Variants in MBNL2 observed in about 807,000 individuals in gnomAD.
The protein encoded by MBNL2 is muscleblind like splicing regulator 2.
In MBNL2, 17 loss-of-function variants were observed where a neutral mutation model predicts 41.9. The ratio of observed to expected loss-of-function variants is 0.41; its 90% confidence interval spans 0.28 to 0.61. The LOEUF is 0.61. Ranked by LOEUF, MBNL2 falls within the 20% of genes least tolerant of loss-of-function variation. The probability of loss-of-function intolerance (pLI) is 0.35; values close to 1 mark genes in which losing one functional copy is unlikely to be tolerated. For synonymous variants in MBNL2, 195 were observed against 182.9 expected (o/e 1.07, Z -0.53); for missense variants, 336 against 505.6 (o/e 0.66, Z 3.22).
intron 5 of MBNL2, among the ~76,000 whole-genome samples, chr13:97,351,222 T>TA (rs1309172690): frequency 6.6e-6 from 1 of 152,228 alleles, no homozygotes; most frequent in African/African-American, 2.4e-5. Flanking sequence ...ACTGTGGGCT[T>TA]AAAACATTCA....
chr13:97,284,412 T>C (rs2152952755), intron 2 of MBNL2, among the ~76,000 whole-genome samples: 1 of 152,310 alleles, frequency 6.6e-6, no homozygotes, highest in Non-Finnish European at 1.5e-5. Flanking sequence ...GCCATCTTGC[T>C]GTGTGTCTCC....
At chr13:97,200,726 A>G in the MBNL2 span, among the ~76,000 whole-genome samples, 9 of 152,196 alleles carry the variant, frequency 5.9e-5, no homozygotes, top group Non-Finnish European at 1.0e-4. Flanking sequence ...CACCACTGAA[A>G]GACGAATGAA....
chr13:97,298,765 T>C (rs1461357498), intron 2 of MBNL2, among the ~76,000 whole-genome samples: 1 of 152,138 alleles, frequency 6.6e-6, no homozygotes, highest in Non-Finnish European at 1.5e-5. Flanking sequence ...CCTATTAAAG[T>C]AGGGAATGAT....
At chr13:97,189,655 T>G in the MBNL2 span, among the ~76,000 whole-genome samples, 4 of 152,224 alleles carry the variant, frequency 2.6e-5, no homozygotes, top group Admixed American at 2.6e-4. Flanking sequence ...TTTGCATACA[T>G]ATATGTGTGT....
chr13:97,185,060 T>A, the MBNL2 span, among the ~76,000 whole-genome samples: 10,938 of 152,298 alleles, frequency 0.072, 645 homozygotes, highest in African/African-American at 0.17. Context: ...TTATTTCTTG[T>A]GTTTCTGCAT....
At chr13:97,195,113 G>A in the MBNL2 span, among the ~76,000 whole-genome samples, 1 of 151,932 alleles carries the variant, frequency 6.6e-6, no homozygotes, top group African/African-American at 2.4e-5. Flanking sequence ...CCTCTCTTGG[G>A]GTCTGGATTG....
chr13:97,354,135 A>G (rs542815586), intron 5 of MBNL2, among the ~76,000 whole-genome samples: 6 of 136,798 alleles, frequency 4.4e-5, no homozygotes, highest in Non-Finnish European at 7.6e-5. Flanking sequence ...GCAAAGCCTC[A>G]GAATGTTGGT....
chr13:97,227,065 CAA>C (rs5806007), intron 1 of MBNL2, among the ~76,000 whole-genome samples: 6,646 of 143,850 alleles, frequency 0.046, 228 homozygotes, highest in African/African-American at 0.096. Flanking sequence ...AAAAAAAAAT[CAA>C]AAAAAAAAAA....
chr13:97,196,579 A>C, the MBNL2 span, among the ~76,000 whole-genome samples: 2 of 152,148 alleles, frequency 1.3e-5, no homozygotes, highest in African/African-American at 4.8e-5. Context: ...GGAGCCATGG[A>C]GGAGGGAGCC....
At chr13:97,171,244 A>G in the MBNL2 span, among the ~76,000 whole-genome samples, 1 of 152,170 alleles carries the variant, frequency 6.6e-6, no homozygotes, top group Non-Finnish European at 1.5e-5. Flanking sequence ...ATCTCATGTA[A>G]TTCTCATATA....
At chr13:97,353,540 CT>C (rs1190590949) in intron 5 of MBNL2, among the ~76,000 whole-genome samples, 7 of 152,120 alleles carry the variant, frequency 4.6e-5, no homozygotes, top group African/African-American at 1.7e-4. Flanking sequence ...TGGAGATTTC[CT>C]GCTTATTTTG....
intron 1 of MBNL2, among the ~76,000 whole-genome samples, chr13:97,253,363 C>T (rs2046931601): frequency 6.6e-6 from 1 of 152,176 alleles, no homozygotes; most frequent in African/African-American, 2.4e-5. Context: ...ATTAGGGATG[C>T]ATAGTTCTGC....
the MBNL2 span, among the ~76,000 whole-genome samples, chr13:97,163,586 A>G: frequency 3.3e-5 from 5 of 152,152 alleles, no homozygotes; most frequent in African/African-American, 4.8e-5. Flanking sequence ...ATGGTAGGAG[A>G]AGAATTGCAG....
chr13:97,276,253 C>G lies in MBNL2; in HGVS notation c.18C>G (p.Ala6=), dbSNP rs774132167. The change falls in exon 2 of 9, where the codon GCC becomes GCG. Residue 6 remains alanine, a synonymous_variant. Transcript: ENST00000679496. MALNV[A]PVRDTKWLTL... ...TTATCACCATGGCTTTGAACGTTGC[C>G]CCAGTCAGAGATACAAAATGGCTGA... is the stretch of plus-strand genomic sequence containing the variant. 1 of 1,613,438 alleles carries G rather than the reference C, an allele frequency of 6.2e-7. No homozygotes were observed. Among genetic ancestry groups the G allele is most frequent in the Non-Finnish European group, 8.5e-7 (1 of 1,179,656 alleles).
intron 1 of MBNL2, among the ~76,000 whole-genome samples, chr13:97,266,428 T>A (rs1428954665): frequency 6.6e-6 from 1 of 152,242 alleles, no homozygotes; most frequent in African/African-American, 2.4e-5. Flanking sequence ...CTTGGTTCAC[T>A]GAGCTTCCTA....
chr13:97,356,044 T>C (rs2062952022), intron 5 of MBNL2, among the ~76,000 whole-genome samples: 2 of 152,198 alleles, frequency 1.3e-5, no homozygotes, highest in Admixed American at 6.5e-5. Flanking sequence ...AGAAACAAGA[T>C]GATGGAATAC....
At chr13:97,218,440 C>CAAAAACAAA (rs1555302257), upstream of MBNL2, among the ~76,000 whole-genome samples, 1,250 of 117,950 alleles carry the variant, frequency 0.011, 38 homozygotes, top group African/African-American at 0.041. Flanking sequence ...CAAAACAAAA[C>CAAAAACAAA]AAAAAAAAAA....
chr13:97,155,809 GGGTT>G, the MBNL2 span, among the ~76,000 whole-genome samples: 1 of 151,462 alleles, frequency 6.6e-6, no homozygotes, highest in East Asian at 1.9e-4. Context: ...TTGGACATTT[GGGTT>G]GGTTCCAAGT....
At chr13:97,242,925 AGCC>A (rs1439249819) in intron 1 of MBNL2, among the ~76,000 whole-genome samples, 2 of 152,208 alleles carry the variant, frequency 1.3e-5, no homozygotes, top group Admixed American at 1.3e-4. Context: ...GGAAAATGAA[AGCC>A]GACTGAGCAG....
Sources: gnomAD v4.1 joint callset for allele counts (sites outside exome capture counted in the v4.1 genomes callset) on GRCh38, gnomAD v4.1.1 for gene constraint, MANE v1.5 for transcripts, NCBI Gene and HGNC (gene_info 2026-07-23, HGNC 2026-07-21) for gene names.